The following GNAO1 variants were observed in gnomAD, a reference collection of about 807,000 sequenced individuals.
The protein encoded by GNAO1 is guanine nucleotide-binding protein G(o) subunit alpha.
For missense variants in GNAO1, 166 were observed against 478.7 expected, an observed-to-expected ratio of 0.35 and a Z score of 6.10; for synonymous variants, 164 against 180.7, an observed-to-expected ratio of 0.91 and a Z score of 0.74.
At chr16:56,257,024 A>G (rs1276607278) in intron 2 of GNAO1, among the ~76,000 whole-genome samples, 3 of 152,132 alleles carry the variant, frequency 2.0e-5, no homozygotes, top group South Asian at 2.1e-4. Flanking sequence ...AATTATGGCA[A>G]ATAGTCTCGC....
intron 2 of GNAO1, among the ~76,000 whole-genome samples, chr16:56,216,959 C>T (rs760140089): frequency 2.6e-5 from 4 of 152,202 alleles, no homozygotes; most frequent in African/African-American, 4.8e-5. Flanking sequence ...TGAGTTAATC[C>T]AGATAAAGCA....
chr16:56,335,009 C>T (rs1210774281), intron 5 of GNAO1, 152 bp downstream of exon 5: 11 of 744,770 alleles, frequency 1.5e-5, no homozygotes, highest in African/African-American at 1.2e-4. Context: ...AGGAACCTGT[C>T]TGTGTTTCTG....
At chr16:56,294,083 C>T (rs749554723) in intron 3 of GNAO1, among the ~76,000 whole-genome samples, 9 of 152,154 alleles carry the variant, frequency 5.9e-5, no homozygotes, top group Non-Finnish European at 1.2e-4. Flanking sequence ...AAGTCGCTTG[C>T]CCAACTGGCA....
At chr16:56,353,721 C>T (rs373097652) in intron 7 of GNAO1, among the ~76,000 whole-genome samples, 4 of 152,206 alleles carry the variant, frequency 2.6e-5, no homozygotes, top group South Asian at 2.1e-4. Flanking sequence ...AGGGTCCACA[C>T]GGGCTGCTTT....
intron 3 of GNAO1, among the ~76,000 whole-genome samples, chr16:56,292,713 C>T (rs1443044654): frequency 1.3e-5 from 2 of 152,210 alleles, no homozygotes; most frequent in African/African-American, 4.8e-5. Context: ...ACAGCATGTT[C>T]ATGGCTTATG....
intron 2 of GNAO1, among the ~76,000 whole-genome samples, chr16:56,219,740 C>G (rs2036467130): frequency 2.0e-5 from 3 of 152,090 alleles, no homozygotes; most frequent in African/African-American, 7.2e-5. Context: ...TCCTTCATGG[C>G]TCTGACCTCC....
chr16:56,328,968 C>A, intron 4 of GNAO1, 177 bp downstream of exon 4: 1 of 628,144 alleles, frequency 1.6e-6, no homozygotes, highest in Non-Finnish European at 2.7e-6. Context: ...TCTCTTCCTG[C>A]ACCCCAGGAG....
Position 56,354,491 on chromosome 16 carries a change from C to T in GNAO1, c.878-375C>T, listed in dbSNP as rs1244515779. ...AGGAGTTCGAGACCAACCTGGCCAA[C>T]ATGGTGAAACCCCGTCTCTACTAAA... On this transcript the variant is annotated intron_variant, in intron 7 of 8. Transcript: ENST00000262493. The surrounding 1 kb of genome is among the most constrained non-coding windows in gnomAD (Gnocchi z 4.3). Among the ~76,000 whole-genome samples the T allele has an allele frequency of 2.0e-5, 3 of 152,162 alleles. No homozygotes were observed. The highest frequency in any genetic ancestry group is 2.9e-5 in the Non-Finnish European group (2 of 68,030).
intron 2 of GNAO1, among the ~76,000 whole-genome samples, chr16:56,271,745 G>A (rs536407467): frequency 2.6e-5 from 4 of 152,294 alleles, no homozygotes; most frequent in East Asian, 3.9e-4. Flanking sequence ...GAGCCACTGC[G>A]TCCGGTGGAA....
chr16:56,258,980 T>C (rs2036878679), intron 2 of GNAO1, among the ~76,000 whole-genome samples: 1 of 152,212 alleles, frequency 6.6e-6, no homozygotes, highest in African/African-American at 2.4e-5. Context: ...TTGTTCTTTA[T>C]GGAAAGTGCT....
At chr16:56,213,528 G>A (rs183274231) in intron 2 of GNAO1, 238 of 390,906 alleles carry the variant, frequency 6.1e-4, no homozygotes, top group Middle Eastern at 1.3e-3. Flanking sequence ...ATGGGATGGC[G>A]GAGGATGAGT....
At chr16:56,254,197 A>G (rs1265346753) in intron 2 of GNAO1, among the ~76,000 whole-genome samples, 1 of 152,142 alleles carries the variant, frequency 6.6e-6, no homozygotes, top group Non-Finnish European at 1.5e-5. Flanking sequence ...AGGGCCCTAT[A>G]TATTTCTAGT....
At chr16:56,216,233 A>G (rs1336674322) in intron 2 of GNAO1, among the ~76,000 whole-genome samples, 1 of 152,236 alleles carries the variant, frequency 6.6e-6, no homozygotes, top group African/African-American at 2.4e-5. Flanking sequence ...GTTTTACTAT[A>G]GGTAAATAAT....
At chr16:56,323,164 C>T (rs1023580922) in intron 3 of GNAO1, among the ~76,000 whole-genome samples, 2 of 152,084 alleles carry the variant, frequency 1.3e-5, no homozygotes, top group Non-Finnish European at 2.9e-5. Context: ...GCTGGAGCCC[C>T]GTGAGAGGGG....
At chr16:56,349,000 C>G (rs1183917448) in intron 6 of GNAO1, among the ~76,000 whole-genome samples, 1 of 152,204 alleles carries the variant, frequency 6.6e-6, no homozygotes, top group African/African-American at 2.4e-5. Flanking sequence ...GTCATTCTTA[C>G]ATCCTCGGGG....
intron 6 of GNAO1, chr16:56,347,644 C>T: frequency 2.0e-6 from 2 of 976,888 alleles, no homozygotes; most frequent in Non-Finnish European, 1.2e-6. Flanking sequence ...GGAACAGAAG[C>T]TCTCATCCCC....
At chr16:56,264,642 T>C (rs1019847756) in intron 2 of GNAO1, among the ~76,000 whole-genome samples, 10 of 152,044 alleles carry the variant, frequency 6.6e-5, no homozygotes, top group Non-Finnish European at 1.2e-4. Flanking sequence ...GGACTGATTT[T>C]GCCTGTTACT....
chr16:56,239,512 G>A (rs55696811), intron 2 of GNAO1, among the ~76,000 whole-genome samples: 2,637 of 152,212 alleles, frequency 0.017, 47 homozygotes, highest in South Asian at 0.052. Context: ...GTTCCCAGCC[G>A]CTGAGCCCAC....
chr16:56,252,360 CAGTA>C (rs2143458597), intron 2 of GNAO1, among the ~76,000 whole-genome samples: 1 of 152,288 alleles, frequency 6.6e-6, no homozygotes, highest in Non-Finnish European at 1.5e-5. Context: ...CTAGGGAAAG[CAGTA>C]AGTGCTGTGC....
Sources: gnomAD v4.1 joint callset for allele counts (sites outside exome capture counted in the v4.1 genomes callset) on GRCh38, gnomAD v4.1.1 for gene constraint, Gnocchi (gnomAD v3.1) non-coding constraint, MANE v1.5 for transcripts, NCBI Gene and HGNC (gene_info 2026-07-23, HGNC 2026-07-21) for gene names.